The following PPP2R5E variants were observed in gnomAD, a reference collection of about 807,000 sequenced individuals.
The protein encoded by PPP2R5E is protein phosphatase 2 regulatory subunit B'epsilon, also known as serine/threonine-protein phosphatase 2A 56 kDa regulatory subunit epsilon isoform.
Under a neutral mutation model 65.3 loss-of-function variants are expected in PPP2R5E, and 4 were observed. The observed-to-expected ratio is 0.06, with a 90% CI of 0.03 to 0.14. PPP2R5E has a LOEUF of 0.14. PPP2R5E is among the 10% of genes least tolerant of loss of function. The pLI is 1.00. For missense variants in PPP2R5E, 274 were observed against 556.1 expected (o/e 0.49, Z 5.10); for synonymous variants, 183 against 187.4 (o/e 0.98, Z 0.19).
At chr14:63,522,746 G>A (rs113252906) in intron 2 of PPP2R5E, among the ~76,000 whole-genome samples, 2,390 of 150,312 alleles carry the variant, frequency 0.016, 70 homozygotes, top group African/African-American at 0.055. Flanking sequence ...CCCTCCGCCC[G>A]GAAGCCGCCC....
chr14:63,492,220 T>C (rs1401766743), intron 2 of PPP2R5E, among the ~76,000 whole-genome samples: 1 of 152,100 alleles, frequency 6.6e-6, no homozygotes, highest in African/African-American at 2.4e-5. Flanking sequence ...AGCCTAAACC[T>C]AAATTGTCAT....
At chr14:63,446,838 A>G (rs1274412970) in intron 3 of PPP2R5E, among the ~76,000 whole-genome samples, 1 of 151,882 alleles carries the variant, frequency 6.6e-6, no homozygotes. Context: ...CAAAAAAAAA[A>G]AAAAAAAAAG....
At chr14:63,522,930 G>A (rs113560359) in intron 2 of PPP2R5E, among the ~76,000 whole-genome samples, 7 of 145,194 alleles carry the variant, frequency 4.8e-5, no homozygotes, top group African/African-American at 1.3e-4. Context: ...CCCTCTACCC[G>A]GCCAGCCGCC....
intron 2 of PPP2R5E, among the ~76,000 whole-genome samples, chr14:63,476,240 T>C (rs960139318): frequency 3.3e-5 from 5 of 152,102 alleles, no homozygotes; most frequent in Non-Finnish European, 5.9e-5. Flanking sequence ...TTCTTCTTCT[T>C]TTTCCCCCCC....
chr14:63,515,645 C>T (rs941244254), intron 2 of PPP2R5E, among the ~76,000 whole-genome samples: 13 of 151,746 alleles, frequency 8.6e-5, no homozygotes, highest in Non-Finnish European at 1.8e-4. Context: ...CTCAGCCTCC[C>T]GAGTAGCTGG....
At chr14:63,469,642 C>G (rs377522638) in intron 2 of PPP2R5E, among the ~76,000 whole-genome samples, 2 of 152,098 alleles carry the variant, frequency 1.3e-5, no homozygotes, top group Admixed American at 1.3e-4. Flanking sequence ...GGCAGTGAGC[C>G]GAGATCGTGC....
rs149556971 is a variant in PPP2R5E, at chr14:63,518,920, A to G, written c.157+20609T>C. Among the ~76,000 whole-genome samples, 53 of 152,154 alleles carry G rather than the reference A, an allele frequency of 3.5e-4. 2 individuals carry two copies. In the East Asian group the frequency reaches 0.01, roughly 29 times the overall value. ...ACTTAAAAAAATTAAAAATAAAAAA[A>G]TAAAAAAAATAAAAGAGGCCGGGCG... On this transcript the variant is annotated intron_variant, in intron 2 of 13. Coordinates refer to ENST00000337537, the MANE Select transcript of PPP2R5E (RefSeq NM_006246.5).
intron 4 of PPP2R5E, among the ~76,000 whole-genome samples, chr14:63,417,746 A>C (rs1043739783): frequency 1.3e-5 from 2 of 152,184 alleles, no homozygotes; most frequent in Admixed American, 6.5e-5. Flanking sequence ...CGTGGCAGTG[A>C]AGAATACTCA....
chr14:63,397,922 T>C (rs1885509587), intron 5 of PPP2R5E, among the ~76,000 whole-genome samples: 1 of 151,968 alleles, frequency 6.6e-6, no homozygotes, highest in Admixed American at 6.5e-5. Context: ...AGAGACAGGG[T>C]TTCACCATAT....
chr14:63,397,185 C>G (rs1885444932), intron 5 of PPP2R5E, among the ~76,000 whole-genome samples: 2 of 152,192 alleles, frequency 1.3e-5, no homozygotes, highest in African/African-American at 4.8e-5. Context: ...ACTATGCTAC[C>G]TACTGATATT....
intron 2 of PPP2R5E, among the ~76,000 whole-genome samples, chr14:63,480,797 G>C (rs1890659544): frequency 6.6e-6 from 1 of 152,066 alleles, no homozygotes; most frequent in Admixed American, 6.5e-5. Flanking sequence ...CTGAAATCTT[G>C]TCTGCAATGA....
At chr14:63,503,577 C>CA (rs764385642) in intron 2 of PPP2R5E, among the ~76,000 whole-genome samples, 1 of 151,962 alleles carries the variant, frequency 6.6e-6, no homozygotes, top group Non-Finnish European at 1.5e-5. Flanking sequence ...GCAGTAAGGG[C>CA]AAAAAACACC....
chr14:63,501,794 G>A (rs1255630), intron 2 of PPP2R5E, among the ~76,000 whole-genome samples: 12,010 of 152,252 alleles, frequency 0.079, 1,055 homozygotes, highest in African/African-American at 0.21. Flanking sequence ...GCAATAAAAA[G>A]TGGAAAAGAC....
At chr14:63,478,923 G>T (rs556586841) in intron 2 of PPP2R5E, among the ~76,000 whole-genome samples, 1 of 150,208 alleles carries the variant, frequency 6.7e-6, no homozygotes, top group African/African-American at 2.5e-5. Context: ...AGGAGTTCGA[G>T]ACCAGCCTGG....
intron 4 of PPP2R5E, among the ~76,000 whole-genome samples, chr14:63,419,059 C>CT (rs955691577): frequency 2.0e-5 from 3 of 152,150 alleles, no homozygotes; most frequent in Non-Finnish European, 4.4e-5. Flanking sequence ...GTTAGCCAGG[C>CT]TGCTCTCAAA....
intron 3 of PPP2R5E, among the ~76,000 whole-genome samples, chr14:63,427,285 C>T (rs985057454): frequency 1.3e-5 from 2 of 151,976 alleles, no homozygotes; most frequent in Non-Finnish European, 2.9e-5. Context: ...CCTACACCTC[C>T]TATTTTATTC....
chr14:63,397,885 GC>G (rs1259320219), intron 5 of PPP2R5E, among the ~76,000 whole-genome samples: 1 of 151,908 alleles, frequency 6.6e-6, no homozygotes, highest in Non-Finnish European at 1.5e-5. Flanking sequence ...CTACCACCGT[GC>G]CCAGCTAATT....
At chr14:63,384,734 G>C (rs776804126) in intron 11 of PPP2R5E, among the ~76,000 whole-genome samples, 163 bp from the exon 12 acceptor site, 5 of 151,932 alleles carry the variant, frequency 3.3e-5, no homozygotes, top group Non-Finnish European at 7.4e-5. Context: ...TATATTTTTT[G>C]AGATGGGAGT....
rs576260747 is a variant in PPP2R5E at position 63,487,576 on chromosome 14, G to C, written c.158-33691C>G. Among the ~76,000 whole-genome samples, 25 of 152,332 alleles carry C rather than the reference G, an allele frequency of 1.6e-4. No individual in the cohort carries two copies. The South Asian group carries it at 5.2e-3, about 32-fold the overall frequency. Reference sequence around the variant, plus strand: ...TCTAATGATTTCTGAAAAGCATTCAGAGACTGCTATATAAGCCTGAGAGGT... The same window carrying C: ...TCTAATGATTTCTGAAAAGCATTCACAGACTGCTATATAAGCCTGAGAGGT... On this transcript the variant is annotated intron_variant, in intron 2 of 13. Transcript: ENST00000337537.
Sources: allele counts gnomAD v4.1 joint callset (sites outside exome capture counted in the v4.1 genomes callset), GRCh38; gene constraint gnomAD v4.1.1; transcripts MANE v1.5; gene names NCBI Gene and HGNC (gene_info 2026-07-23, HGNC 2026-07-21).